EIF3J: variants seen among roughly 807,000 people sequenced by gnomAD.
EIF3J encodes eukaryotic translation initiation factor 3 subunit J.
Under a neutral mutation model 39.0 loss-of-function variants are expected in EIF3J, and 15 were observed. The ratio of observed to expected loss-of-function variants is 0.38; its 90% CI spans 0.26 to 0.59. The LOEUF (loss-of-function observed/expected upper bound fraction) is 0.59. Among genes scored for constraint, EIF3J ranks in the 20% least tolerant of loss-of-function variants. The probability of loss-of-function intolerance (pLI) is 0.60; values close to 1 mark genes in which losing one functional copy is unlikely to be tolerated. For missense variants in EIF3J, 226 were observed against 308.6 expected, an observed-to-expected ratio of 0.73 and a Z score of 2.00; for synonymous variants, 98 against 112.9, an observed-to-expected ratio of 0.87 and a Z score of 0.84.
chr15:44,540,750 A>G lies in EIF3J; in HGVS notation c.147+3323A>G, dbSNP rs200156863. Among the ~76,000 whole-genome samples, 3 of 152,312 alleles carry G rather than the reference A, an allele frequency of 2.0e-5. No individual in the cohort carries two copies. The East Asian group carries it at 5.8e-4, about 29-fold the overall frequency. On this transcript the variant is annotated intron_variant, in intron 2 of 7. Coordinates refer to ENST00000261868, the MANE Select transcript of EIF3J (RefSeq NM_003758.4). ...GCCAGCAGACTCAGCCATATCACCAAATTTCTGAATTCTTATGTTTTTGTA... is the reference window on the plus strand; with the variant it reads ...GCCAGCAGACTCAGCCATATCACCAGATTTCTGAATTCTTATGTTTTTGTA...
At chr15:44,558,603 TA>T (rs2082164561) in intron 6 of EIF3J, 1 of 151,776 alleles carries the variant, frequency 6.6e-6, no homozygotes, top group Non-Finnish European at 1.5e-5. Context: ...CACGCCCGGC[TA>T]ATTTTTTGTA....
In EIF3J at chr15:44,540,263, ATATATTTT is replaced by A. The variant is rs1369379543; in HGVS notation, c.147+2838_147+2845del. Among the ~76,000 whole-genome samples the A allele has an allele frequency of 2.3e-4, 14 of 61,518 alleles. No individual in the cohort carries two copies. The South Asian group carries it at 2.6e-3, about 11-fold the overall frequency. The allele number at this position is 61,518 out of a possible 152,430, so 40.4% of individuals were successfully genotyped here. On this transcript the variant is annotated intron_variant, in intron 2 of 7. Transcript: ENST00000261868. ...TATATATATATATATATATATATATATATATTTTTTTTTTTTTTTTGTAGATACAGGGT... is the reference window on the plus strand; with the variant it reads ...TATATATATATATATATATATATATATTTTTTTTTTTTGTAGATACAGGGT...
intron 2 of EIF3J, among the ~76,000 whole-genome samples, chr15:44,543,979 C>T (rs1416573974): frequency 6.6e-6 from 1 of 152,048 alleles, no homozygotes; most frequent in Non-Finnish European, 1.5e-5. Context: ...GAGTTTGTTT[C>T]TTTACCTTGG....
At chr15:44,554,368 CTCTG>C (rs1469701095) in intron 4 of EIF3J, among the ~76,000 whole-genome samples, 181 bp from the exon 5 acceptor site, 1 of 128,466 alleles carries the variant, frequency 7.8e-6, no homozygotes, top group African/African-American at 3.0e-5. Context: ...CAGAGTGAGG[CTCTG>C]TCTAAAAAAA....
At position 44,551,415 on chromosome 15, in the gene EIF3J, T is replaced by G; in HGVS notation, c.203-16T>G. On this transcript the variant is annotated splice_polypyrimidine_tract_variant and intron_variant, in intron 3 of 7. Transcript: ENST00000261868. ...AATACTCAGTATAACTGAATAAAAC[T>G]TTTTTTTACTTTTAGAGGTAAAAAT... The G allele has an allele frequency of 6.7e-7, 1 of 1,493,920 alleles. No individual in the cohort carries two copies. The highest frequency in any genetic ancestry group is 9.1e-7 in the Non-Finnish European group (1 of 1,099,406). 92.5% of individuals were successfully genotyped at this position (1,493,920 alleles called of 1,614,324 possible). A position where few individuals can be genotyped will look rare whatever the true frequency, so the allele number is the denominator to read the frequency against.
Position 44,551,667 on chromosome 15 carries a change from G to A in EIF3J, c.294+145G>A, listed in dbSNP as rs1319587986. ...AGATAGGTAAAATCCAAAACAAATT[G>A]ATTTGTGGTTTTTGCAAAAACAGAA... is the stretch of plus-strand genomic sequence containing the variant. On this transcript the variant is annotated intron_variant, in intron 4 of 7. Coordinates refer to ENST00000261868, the MANE Select transcript of EIF3J (RefSeq NM_003758.4). The A allele has an allele frequency of 6.5e-6, 4 of 619,782 alleles. No homozygotes were observed. In the East Asian group the frequency reaches 9.7e-5, roughly 15 times the overall value. The allele number at this position is 619,782 out of a possible 1,614,324, so 38.4% of individuals were successfully genotyped here. A position where few individuals can be genotyped will look rare whatever the true frequency, so the allele number is the denominator to read the frequency against.
At chr15:44,537,454 G>A in intron 2 of EIF3J, 27 bp downstream of exon 2, 2 of 1,500,348 alleles carry the variant, frequency 1.3e-6, no homozygotes, top group Non-Finnish European at 1.8e-6. Context: ...GCGCCGGGCA[G>A]CGCGGAAGCG....
intron 6 of EIF3J, among the ~76,000 whole-genome samples, chr15:44,559,971 G>A (rs562532010): frequency 7.9e-5 from 12 of 152,170 alleles, no homozygotes; most frequent in Admixed American, 3.9e-4. Context: ...AGCTGGTCTC[G>A]AATTCCTGGG....
At chr15:44,542,130 T>G (rs1013848445) in intron 2 of EIF3J, among the ~76,000 whole-genome samples, 2 of 152,194 alleles carry the variant, frequency 1.3e-5, no homozygotes, top group Admixed American at 1.3e-4. Flanking sequence ...GTTAAAAGCT[T>G]AATGAATTGA....
At position 44,561,094 on chromosome 15, in the gene EIF3J, C is replaced by T. The variant is rs2082190157; in HGVS notation, c.722C>T (p.Ala241Val). Reference protein sequence around the residue: ...GLKATMKDDLADYGGYDGGYV... With the variant: ...GLKATMKDDLVDYGGYDGGYV... ...AAAGCCACCATGAAAGATGATCTGG[C>T]AGATTATGGTGGTTATGATGGAGGA... Residue 241 changes from alanine to valine, a missense_variant, in exon 8 of 8, where the codon GCA becomes GTA. Ala to Val is a moderately conservative substitution (Grantham distance 64, BLOSUM62 0). This residue lies in a region of EIF3J where 83 missense variants were observed against 152.6 expected (regional missense o/e 0.54). Coordinates refer to ENST00000261868, the MANE Select transcript of EIF3J (RefSeq NM_003758.4). 6.2e-7 allele frequency: 1 copy of T among 1,613,492 alleles called. No individual in the cohort carries two copies. Among genetic ancestry groups the T allele is most frequent in the Non-Finnish European group, 8.5e-7 (1 of 1,179,754 alleles).
chr15:44,537,214 CGGCGGG>C lies in EIF3J; in HGVS notation c.23_28del (p.Ala8_Gly9del), dbSNP rs759836567. ...CTCGAGATGGCGGCGGCGGCGGCGGCGGCGGGGGACTCGGACTCCTGGGGTGAGGAG... is the reference window on the plus strand; with the variant it reads ...CTCGAGATGGCGGCGGCGGCGGCGGCGGACTCGGACTCCTGGGGTGAGGAG... On this transcript the variant is annotated inframe_deletion, in exon 1 of 8. Coordinates refer to ENST00000261868, the MANE Select transcript of EIF3J (RefSeq NM_003758.4). The C allele has an allele frequency of 6.2e-7, 1 of 1,603,680 alleles. No individual in the cohort carries two copies. The highest frequency in any genetic ancestry group is 1.7e-5 in the Admixed American group (1 of 58,880).
chr15:44,555,189 G>T (rs563129254), intron 5 of EIF3J, among the ~76,000 whole-genome samples: 1 of 152,144 alleles, frequency 6.6e-6, no homozygotes, highest in Non-Finnish European at 1.5e-5. Flanking sequence ...TGGTTAGTGC[G>T]TGAGATAAAA....
intron 4 of EIF3J, among the ~76,000 whole-genome samples, chr15:44,552,128 G>A (rs886791231): frequency 4.6e-5 from 7 of 151,848 alleles, no homozygotes; most frequent in African/African-American, 1.7e-4. Context: ...GCCAGGATTA[G>A]TTTTTATTTG....
chr15:44,541,746 A>T (rs1189846217), intron 2 of EIF3J, among the ~76,000 whole-genome samples: 7 of 152,216 alleles, frequency 4.6e-5, no homozygotes, highest in Non-Finnish European at 2.9e-5. Flanking sequence ...TTTTGAAGAG[A>T]GTGTGTGTAT....
rs1269906503 is a variant in EIF3J, at chr15:44,562,416, A to ATGTC, written c.*1269_*1272dup. 3.3e-5 allele frequency: 5 copies of ATGTC among 152,716 alleles called. No individual in the cohort carries two copies. Among genetic ancestry groups the ATGTC allele is most frequent in the African/African-American group, 1.2e-4 (5 of 41,568 alleles). 9.5% of individuals were successfully genotyped at this position (152,716 alleles called of 1,614,324 possible). On this transcript the variant is annotated 3_prime_UTR_variant, in exon 8 of 8. Coordinates refer to ENST00000261868, the MANE Select transcript of EIF3J (RefSeq NM_003758.4). Reference sequence around the variant, plus strand: ...AAGTATAGATTGGGGAATCTTTATTATGTCTTCTCCTAAGCAGTTTAACCA... The same window carrying ATGTC: ...AAGTATAGATTGGGGAATCTTTATTATGTCTGTCTTCTCCTAAGCAGTTTAACCA...
In EIF3J at chr15:44,560,241, T is replaced by A; in HGVS notation, c.572-8T>A. The A allele has an allele frequency of 6.3e-7, 1 of 1,597,268 alleles. No homozygotes were observed. ...TCAAGTTTAATGGTATGCCCTTTTT[T>A]TTTTAAGTGGAAATTGATGACTTGA... On this transcript the variant is annotated splice_region_variant and splice_polypyrimidine_tract_variant and intron_variant, in intron 6 of 7. Transcript: ENST00000261868.
chr15:44,537,387 G>T lies in EIF3J; in HGVS notation c.107G>T (p.Gly36Val). 6.4e-7 allele frequency: 1 copy of T among 1,565,342 alleles called. No individual in the cohort carries two copies. Among genetic ancestry groups the T allele is most frequent in the Non-Finnish European group, 8.7e-7 (1 of 1,154,782 alleles). Reference sequence around the variant, plus strand: ...GTGGGGGGCGGCGGCACTGCCGGCGGGGACCGCTGGGAAGGCGAGGACGAG... The same window carrying T: ...GTGGGGGGCGGCGGCACTGCCGGCGTGGACCGCTGGGAAGGCGAGGACGAG... ...RKVGGGGTAG[G>V]DRWEGEDEDE... Residue 36 changes from glycine (G) to valine (V), a missense_variant, in exon 2 of 8, where the codon GGG becomes GTG. By Grantham distance (109) the Gly-to-Val change is moderately radical. Coordinates refer to ENST00000261868, the MANE Select transcript of EIF3J (RefSeq NM_003758.4).
intron 2 of EIF3J, among the ~76,000 whole-genome samples, chr15:44,540,704 A>G (rs2082008211): frequency 6.6e-6 from 1 of 152,176 alleles, no homozygotes; most frequent in Admixed American, 6.5e-5. Flanking sequence ...GCCTCCTAAA[A>G]TGCTGGGATT....
intron 2 of EIF3J, among the ~76,000 whole-genome samples, chr15:44,545,623 T>C (rs1483974754): frequency 1.3e-5 from 2 of 152,250 alleles, no homozygotes; most frequent in East Asian, 3.8e-4. Flanking sequence ...GGGTATATTG[T>C]GATGTTTCAA....
Sources: allele counts gnomAD v4.1 joint callset (sites outside exome capture counted in the v4.1 genomes callset), GRCh38; gene constraint gnomAD v4.1.1; regional missense constraint gnomAD v4.1.1; transcripts MANE v1.5; gene names NCBI Gene and HGNC (gene_info 2026-07-23, HGNC 2026-07-21).